The following PHACTR1 variants were observed in gnomAD, a reference collection of about 807,000 sequenced individuals.
PHACTR1 encodes RPEL repeat containing 1.
In PHACTR1, 16 loss-of-function variants were observed where a neutral mutation model predicts 69.2. That is an observed-to-expected ratio of 0.23 (90% CI 0.16 to 0.35). The LOEUF is 0.35. PHACTR1 is among the 10% of genes least tolerant of loss of function. PHACTR1 has a pLI of 1.00. For missense variants in PHACTR1, 510 were observed against 734.7 expected (o/e 0.69, Z 3.54); for synonymous variants, 312 against 284.5 (o/e 1.10, Z -0.97).
chr6:13,278,225 A>G (rs780414139), intron 11 of PHACTR1, 43 bp from the exon 12 acceptor site: 1 of 1,542,590 alleles, frequency 6.5e-7, no homozygotes, highest in Non-Finnish European at 8.8e-7. Flanking sequence ...TGTACACAAC[A>G]CTGTTTACTG....
intron 4 of PHACTR1, among the ~76,000 whole-genome samples, chr6:12,921,578 A>G (rs1483760736): frequency 1.9e-5 from 2 of 105,540 alleles, no homozygotes; most frequent in African/African-American, 3.7e-5. Flanking sequence ...GAGGGAAGGA[A>G]GGAGAAGAAG....
intron 4 of PHACTR1, among the ~76,000 whole-genome samples, chr6:13,024,852 G>A (rs934473255): frequency 2.6e-5 from 4 of 152,196 alleles, no homozygotes; most frequent in Non-Finnish European, 4.4e-5. Flanking sequence ...AGGTCTTTGA[G>A]GTTGAATCTG....
intron 4 of PHACTR1, among the ~76,000 whole-genome samples, chr6:12,857,827 A>T (rs1247389513): frequency 6.6e-6 from 1 of 152,190 alleles, no homozygotes; most frequent in African/African-American, 2.4e-5. Context: ...AATGAGACTC[A>T]ATCGCCTGGC....
At chr6:13,077,304 C>T (rs1271748506) in intron 5 of PHACTR1, among the ~76,000 whole-genome samples, 1 of 152,072 alleles carries the variant, frequency 6.6e-6, no homozygotes. Context: ...AACTGAAACA[C>T]AGGGAAGTTT....
chr6:13,173,561 A>T (rs1449889459), intron 6 of PHACTR1, among the ~76,000 whole-genome samples: 1 of 152,348 alleles, frequency 6.6e-6, no homozygotes, highest in Non-Finnish European at 1.5e-5. Flanking sequence ...CCTTAGATAA[A>T]TTATTACTTA....
intron 4 of PHACTR1, among the ~76,000 whole-genome samples, chr6:13,009,838 G>A (rs150667322): frequency 6.7e-6 from 1 of 149,070 alleles, no homozygotes; most frequent in African/African-American, 2.5e-5. Context: ...CCTAGTCTGC[G>A]AGCTTGCAGT....
chr6:13,224,489 G>A (rs1367748555), intron 8 of PHACTR1, among the ~76,000 whole-genome samples: 1 of 152,188 alleles, frequency 6.6e-6, no homozygotes, highest in East Asian at 1.9e-4. Flanking sequence ...GGGTGTGGCA[G>A]GCACGTGACA....
At chr6:13,173,430 T>C (rs1760877700) in intron 6 of PHACTR1, among the ~76,000 whole-genome samples, 1 of 152,230 alleles carries the variant, frequency 6.6e-6, no homozygotes, top group African/African-American at 2.4e-5. Flanking sequence ...TGGCACCATG[T>C]AATCACACGA....
intron 4 of PHACTR1, among the ~76,000 whole-genome samples, chr6:12,995,583 C>T (rs571471081): frequency 1.4e-4 from 22 of 151,928 alleles, no homozygotes; most frequent in South Asian, 6.2e-4. Context: ...TACTTAATTA[C>T]GTATCCATTA....
At chr6:12,957,750 C>T (rs932557896) in intron 4 of PHACTR1, 100 of 985,404 alleles carry the variant, frequency 1.0e-4, no homozygotes, top group Non-Finnish European at 1.2e-4. Context: ...ACCTAGTCCA[C>T]GGTGAGTTGA....
chr6:13,007,510 G>C (rs1484505463), intron 4 of PHACTR1, among the ~76,000 whole-genome samples: 1 of 152,072 alleles, frequency 6.6e-6, no homozygotes, highest in East Asian at 1.9e-4. Flanking sequence ...CTTAGAATAA[G>C]AGTCTTCCTT....
At chr6:13,080,157 T>C (rs1811146645) in intron 5 of PHACTR1, among the ~76,000 whole-genome samples, 1 of 152,142 alleles carries the variant, frequency 6.6e-6, no homozygotes, top group Admixed American at 6.6e-5. Flanking sequence ...TGGATGTCTC[T>C]GAACTTCACT....
At chr6:12,836,315 T>G (rs1778154966) in intron 4 of PHACTR1, among the ~76,000 whole-genome samples, 1 of 152,198 alleles carries the variant, frequency 6.6e-6, no homozygotes, top group African/African-American at 2.4e-5. Context: ...GGAATAAGAT[T>G]TTCTTTTTCC....
intron 8 of PHACTR1, among the ~76,000 whole-genome samples, chr6:13,220,764 G>A (rs555109439): frequency 6.6e-6 from 1 of 152,204 alleles, no homozygotes; most frequent in Non-Finnish European, 1.5e-5. Flanking sequence ...AAGGGTCAGG[G>A]ATCCTAATTT....
At chr6:13,094,212 A>G (rs1369944829) in intron 5 of PHACTR1, among the ~76,000 whole-genome samples, 1 of 151,990 alleles carries the variant, frequency 6.6e-6, no homozygotes. Context: ...AAAATTAGCT[A>G]AATAGATTTT....
chr6:12,873,812 G>A (rs186875114), intron 4 of PHACTR1, among the ~76,000 whole-genome samples: 2 of 78,446 alleles, frequency 2.5e-5, no homozygotes, highest in African/African-American at 5.6e-5. Flanking sequence ...GCTTTGTACA[G>A]TAACAACATA....
At chr6:13,170,862 G>A (rs1055049586) in intron 6 of PHACTR1, among the ~76,000 whole-genome samples, 5 of 152,128 alleles carry the variant, frequency 3.3e-5, no homozygotes, top group Non-Finnish European at 5.9e-5. Context: ...CTGTTCCCAG[G>A]CCCAAGCCTG....
chr6:12,795,361 T>C (rs765612396), intron 4 of PHACTR1, among the ~76,000 whole-genome samples: 2 of 152,212 alleles, frequency 1.3e-5, no homozygotes, highest in Non-Finnish European at 1.5e-5. Context: ...CAATTAAGGA[T>C]GTGAATGACA....
At chr6:13,096,277 G>A (rs571687867) in intron 5 of PHACTR1, among the ~76,000 whole-genome samples, 2 of 152,092 alleles carry the variant, frequency 1.3e-5, no homozygotes, top group Non-Finnish European at 2.9e-5. Context: ...TGGTATCCTA[G>A]GAGCCAAACA....
Sources: allele counts gnomAD v4.1 joint callset (sites outside exome capture counted in the v4.1 genomes callset), GRCh38; gene constraint gnomAD v4.1.1; transcripts MANE v1.5; gene names NCBI Gene and HGNC (gene_info 2026-07-23, HGNC 2026-07-21).